VANGL1: variants seen among roughly 807,000 people sequenced by gnomAD.
VANGL1 encodes VANGL planar cell polarity protein 1.
A neutral mutation model predicts 48.4 loss-of-function variants in VANGL1; 18 were observed. That is an observed-to-expected ratio of 0.37 (90% CI 0.26 to 0.55). The LOEUF is 0.55. Among genes scored for constraint, VANGL1 ranks in the 20% least tolerant of loss-of-function variants. The probability of loss-of-function intolerance (pLI) is 0.81; values close to 1 mark genes in which losing one functional copy is unlikely to be tolerated. For synonymous variants in VANGL1, 257 were observed against 261.8 expected (o/e 0.98, Z 0.18); for missense variants, 667 against 675.8 (o/e 0.99, Z 0.14).
intron 4 of VANGL1, 79 bp downstream of exon 4, chr1:115,664,347 T>G: frequency 6.5e-7 from 1 of 1,548,354 alleles, no homozygotes; most frequent in Admixed American, 2.0e-5. Context: ...ACGTGAGGGG[T>G]GGTGACAGAT....
chr1:115,677,858 T>C (rs1262237189), intron 4 of VANGL1, among the ~76,000 whole-genome samples: 1 of 152,232 alleles, frequency 6.6e-6, no homozygotes, highest in African/African-American at 2.4e-5. Context: ...GGGGCAAGTT[T>C]CTAACCAACT....
At chr1:115,655,772 A>G (rs1052584411) in intron 2 of VANGL1, among the ~76,000 whole-genome samples, 3 of 152,162 alleles carry the variant, frequency 2.0e-5, no homozygotes, top group African/African-American at 4.8e-5. Context: ...CCTCTCCCAG[A>G]CAGCACTTGG....
intron 4 of VANGL1, among the ~76,000 whole-genome samples, chr1:115,679,037 G>A (rs1438886174): frequency 1.3e-5 from 2 of 151,968 alleles, no homozygotes; most frequent in African/African-American, 2.4e-5. Context: ...CTTGAGTTTT[G>A]TGTTTATTTA....
At chr1:115,655,248 C>G (rs1652300639) in intron 2 of VANGL1, among the ~76,000 whole-genome samples, 1 of 152,084 alleles carries the variant, frequency 6.6e-6, no homozygotes, top group South Asian at 2.1e-4. Flanking sequence ...CAGCTTTCCC[C>G]AAATAGAAAT....
intron 4 of VANGL1, among the ~76,000 whole-genome samples, chr1:115,676,492 G>A (rs545504768): frequency 5.9e-5 from 9 of 152,310 alleles, no homozygotes; most frequent in South Asian, 2.1e-4. Context: ...ATATAAGCTC[G>A]TGGTGGCTAT....
intron 1 of VANGL1, among the ~76,000 whole-genome samples, chr1:115,647,933 A>G (rs1041683253): frequency 6.6e-6 from 1 of 152,188 alleles, no homozygotes; most frequent in African/African-American, 2.4e-5. Flanking sequence ...GGTACCTGCT[A>G]TGTTCAAAAT....
intron 4 of VANGL1, among the ~76,000 whole-genome samples, chr1:115,675,664 C>T (rs1022548283): frequency 2.0e-4 from 31 of 152,096 alleles, no homozygotes; most frequent in African/African-American, 7.0e-4. Context: ...TGGTGGCGTG[C>T]GCCTGTAATC....
At chr1:115,683,053 C>A (rs990700977) in intron 5 of VANGL1, among the ~76,000 whole-genome samples, 1 of 152,034 alleles carries the variant, frequency 6.6e-6, no homozygotes, top group African/African-American at 2.4e-5. Flanking sequence ...TGGGTGAGGG[C>A]AAGAACTTTG....
chr1:115,674,267 T>A (rs1260997178), intron 4 of VANGL1, among the ~76,000 whole-genome samples: 1 of 152,240 alleles, frequency 6.6e-6, no homozygotes, highest in African/African-American at 2.4e-5. Context: ...CCTCTTCTCC[T>A]GGTGTACATG....
intron 3 of VANGL1, among the ~76,000 whole-genome samples, chr1:115,663,076 CG>C (rs748884418): frequency 4.6e-5 from 7 of 152,210 alleles, no homozygotes; most frequent in Non-Finnish European, 1.0e-4. Flanking sequence ...TGAGCCACCG[CG>C]CCCCAGTCCA....
intron 3 of VANGL1, among the ~76,000 whole-genome samples, chr1:115,661,733 T>G (rs1652560757): frequency 6.6e-6 from 1 of 152,058 alleles, no homozygotes; most frequent in Non-Finnish European, 1.5e-5. Context: ...TTCTCCTGCC[T>G]CAGCCTCCCG....
chr1:115,685,342 G>A lies in VANGL1; in HGVS notation c.1129G>A (p.Ala377Thr), dbSNP rs752744177. The A allele has an allele frequency of 6.2e-7, 1 of 1,614,164 alleles. No individual in the cohort carries two copies. Among genetic ancestry groups the A allele is most frequent in the Middle Eastern group, 1.7e-4 (1 of 6,060 alleles). The change falls in exon 7 of 8, where the codon GCT (alanine) becomes ACT (threonine). Residue 377 changes from alanine (A) to threonine (T), a missense_variant. By Grantham distance (58) the Ala-to-Thr change is moderately conservative. Coordinates refer to ENST00000355485, the MANE Select transcript of VANGL1 (RefSeq NM_138959.3). ...CTTCATCCACATTCAGCGTCTCCAG[G>A]CTGAGGAGCAGCAGAAAGCCCCAGG... Reference protein sequence around the residue: ...EAFIHIQRLQAEEQQKAPGEV... With the variant: ...EAFIHIQRLQTEEQQKAPGEV...
rs1652981226 is a variant in VANGL1, at chr1:115,671,719, AT to A, written c.812+7452del. Among the ~76,000 whole-genome samples the A allele has an allele frequency of 5.3e-5, 8 of 152,204 alleles. 1 individual carries two copies. In the South Asian group the frequency reaches 1.7e-3, roughly 32 times the overall value. ...TTGGACTGTGTAAGGAAATGGCAGC[AT>A]GGCGAGGTTTGTGCCGCGGCCTACA... On this transcript the variant is annotated intron_variant, in intron 4 of 7. Coordinates refer to ENST00000355485, the MANE Select transcript of VANGL1 (RefSeq NM_138959.3).
intron 4 of VANGL1, among the ~76,000 whole-genome samples, chr1:115,672,280 G>A (rs181940759): frequency 6.6e-6 from 1 of 152,322 alleles, no homozygotes; most frequent in Non-Finnish European, 1.5e-5. Context: ...TCATCTTTCA[G>A]TGGGGATACC....
chr1:115,649,615 T>C lies in VANGL1; in HGVS notation c.-137-1662T>C, dbSNP rs755920860. 8.5e-5 allele frequency among the ~76,000 whole-genome samples: 13 copies of C among 152,370 alleles called. No individual in the cohort carries two copies. The Middle Eastern group carries it at 0.017, about 199-fold the overall frequency. On this transcript the variant is annotated intron_variant, in intron 1 of 7. Transcript: ENST00000355485. ...CTGGAGCTCGCGCTGGGTGCCTTCATAGTTGTTAGCTCATTTGGTCTTCAC... is the reference window on the plus strand; with the variant it reads ...CTGGAGCTCGCGCTGGGTGCCTTCACAGTTGTTAGCTCATTTGGTCTTCAC...
Position 115,680,037 on chromosome 1 carries a change from G to GAGAA in VANGL1, c.813-2324_813-2323insAAGA, listed in dbSNP as rs1653327368. Among the ~76,000 whole-genome samples the GAGAA allele has an allele frequency of 2.8e-4, 42 of 151,142 alleles. 1 individual carries two copies. In the South Asian group the frequency reaches 8.8e-3, roughly 32 times the overall value. ...TGTGTGTGTGTATGTGAGAGAGAGA[G>GAGAA]AGAGAGAGATCAGGGAGAGGGTTGC... is the stretch of plus-strand genomic sequence containing the variant. On this transcript the variant is annotated intron_variant, in intron 4 of 7. Transcript: ENST00000355485.
rs1398543999 is a variant in VANGL1 at position 115,695,443 on chromosome 1, T to G, written c.*4064T>G. 1 of 152,580 alleles carries G rather than the reference T, an allele frequency of 6.6e-6. No homozygotes were observed. Among genetic ancestry groups the G allele is most frequent in the Non-Finnish European group, 1.5e-5 (1 of 68,030 alleles). The allele number at this position is 152,580 out of a possible 1,614,324, so 9.5% of individuals were successfully genotyped here. A position where few individuals can be genotyped will look rare whatever the true frequency, so the allele number is the denominator to read the frequency against. The stretch of plus-strand genomic sequence containing the variant: ...TATGTAACCTTGTGGTCGTATTTCA[T>G]TATAAATAAAATAAGAATTGCTCTT... On this transcript the variant is annotated 3_prime_UTR_variant, in exon 8 of 8. Transcript: ENST00000355485.
intron 4 of VANGL1, among the ~76,000 whole-genome samples, chr1:115,676,471 C>T (rs1283220878): frequency 3.3e-5 from 5 of 152,180 alleles, no homozygotes; most frequent in Non-Finnish European, 7.3e-5. Flanking sequence ...GCCGCTTCAA[C>T]ATATATGGCC....
chr1:115,679,616 C>T (rs1653302140), intron 4 of VANGL1, among the ~76,000 whole-genome samples: 1 of 151,116 alleles, frequency 6.6e-6, no homozygotes, highest in South Asian at 2.1e-4. Flanking sequence ...GGCTCCGACC[C>T]ACCCATCCCC....
Sources: gnomAD v4.1 joint callset for allele counts (sites outside exome capture counted in the v4.1 genomes callset) on GRCh38, gnomAD v4.1.1 for gene constraint, MANE v1.5 for transcripts, NCBI Gene and HGNC (gene_info 2026-07-23, HGNC 2026-07-21) for gene names.